Variants in MYO1B observed in about 807,000 individuals in gnomAD.
MYO1B encodes the protein unconventional myosin-Ib.
A neutral mutation model predicts 159.7 loss-of-function variants in MYO1B; 72 were observed. The observed-to-expected ratio is 0.45, with a 90% confidence interval of 0.37 to 0.55. The LOEUF is 0.55. Among genes scored for constraint, MYO1B ranks in the 20% least tolerant of loss-of-function variants. The probability of loss-of-function intolerance (pLI) is 0.00; values close to 1 mark genes in which losing one functional copy is unlikely to be tolerated. For synonymous variants in MYO1B, 468 were observed against 473.8 expected (o/e 0.99, Z 0.16); for missense variants, 1,062 against 1,364.8 (o/e 0.78, Z 3.50).
Position 191,287,391 on chromosome 2 carries a change from G to A in MYO1B, c.136-8720G>A, listed in dbSNP as rs566683920. ...AAAAATACAAAAAAATTAGCTTGGC[G>A]TGGTGGCGGGCACCTGTAATCCCAG... On this transcript the variant is annotated intron_variant, in intron 2 of 30. Transcript: ENST00000392318. Among the ~76,000 whole-genome samples the A allele has an allele frequency of 2.9e-3, 443 of 152,186 alleles. 1 individual carries two copies. Among genetic ancestry groups the A allele is most frequent in the African/African-American group, 0.01 (426 of 41,502 alleles).
intron 4 of MYO1B, among the ~76,000 whole-genome samples, chr2:191,336,442 T>C (rs1490618982): frequency 6.6e-6 from 1 of 152,232 alleles, no homozygotes; most frequent in Non-Finnish European, 1.5e-5. Context: ...GCTTTTGTTT[T>C]GTTTTTCCCC....
At chr2:191,327,954 A>G (rs1046207617) in intron 3 of MYO1B, among the ~76,000 whole-genome samples, 3 of 152,214 alleles carry the variant, frequency 2.0e-5, no homozygotes, top group East Asian at 1.9e-4. Flanking sequence ...AGGGGTGGCT[A>G]TCCTTGAGGA....
Position 191,392,334 on chromosome 2 carries a change from C to T in MYO1B, c.2076+133C>T. On this transcript the variant is annotated intron_variant, in intron 19 of 30. Transcript: ENST00000392318. ...CACAAAACACTTGTGTGTTTATCTA[C>T]AAATAATCAAGAGGCAGGGACAGAT... 3 of 571,764 alleles carry T rather than the reference C, an allele frequency of 5.2e-6. No individual in the cohort carries two copies. The East Asian group carries it at 8.6e-5, about 16-fold the overall frequency. The allele number at this position is 571,764 out of a possible 1,614,324, so 35.4% of individuals were successfully genotyped here. A position where few individuals can be genotyped will look rare whatever the true frequency, so the allele number is the denominator to read the frequency against.
At chr2:191,357,482 A>G (rs1272763118) in intron 7 of MYO1B, among the ~76,000 whole-genome samples, 1 of 152,176 alleles carries the variant, frequency 6.6e-6, no homozygotes, top group Non-Finnish European at 1.5e-5. Context: ...TTAAAATGGA[A>G]ATTTATGCTA....
At chr2:191,422,914 C>T (rs1698032910) in intron 30 of MYO1B, among the ~76,000 whole-genome samples, 1 of 152,122 alleles carries the variant, frequency 6.6e-6, no homozygotes, top group Non-Finnish European at 1.5e-5. Flanking sequence ...CTTAGCCTTT[C>T]TACCTTACTA....
At position 191,296,161 on chromosome 2, in the gene MYO1B, C is replaced by A; in HGVS notation, c.186C>A (p.Pro62=). The change falls in exon 3 of 31, where the codon CCC becomes CCA. Residue 62 remains proline, a synonymous_variant. Transcript: ENST00000392318. ...VISVNPYRSL[P]IYSPEKVEEY... ...CTGTTAACCCATACCGGTCTTTACC[C>A]ATTTATTCACCAGAGAAAGTGGAAG... The A allele has an allele frequency of 6.2e-7, 1 of 1,610,154 alleles. No homozygotes were observed.
chr2:191,414,297 G>A (rs985725501), intron 28 of MYO1B, 117 bp downstream of exon 28: 26 of 1,309,520 alleles, frequency 2.0e-5, no homozygotes, highest in African/African-American at 6.0e-5. Context: ...CTATGAAGGC[G>A]GCTATTTCCC....
chr2:191,403,459 G>A (rs1468644832), intron 24 of MYO1B, among the ~76,000 whole-genome samples: 1 of 152,090 alleles, frequency 6.6e-6, no homozygotes, highest in African/African-American at 2.4e-5. Context: ...TCAATAATTA[G>A]TCACCATAGG....
chr2:191,409,212 T>A, intron 26 of MYO1B, 34 bp downstream of exon 26: 1 of 1,587,606 alleles, frequency 6.3e-7, no homozygotes, highest in Non-Finnish European at 8.5e-7. Context: ...TTTCGGAGAC[T>A]TTCTTATTTA....
At chr2:191,257,418 A>G (rs1378698088) in intron 1 of MYO1B, among the ~76,000 whole-genome samples, 5 of 152,204 alleles carry the variant, frequency 3.3e-5, no homozygotes, top group Admixed American at 2.0e-4. Context: ...CCATTTTGGT[A>G]TATGTCAGAA....
chr2:191,386,215 G>A (rs1195925170), intron 16 of MYO1B, 131 bp downstream of exon 16: 6 of 751,938 alleles, frequency 8.0e-6, no homozygotes, highest in East Asian at 5.1e-5. Flanking sequence ...TGGTTGAATC[G>A]ATAAATGTTC....
chr2:191,340,871 A>G (rs7425900), intron 4 of MYO1B, among the ~76,000 whole-genome samples: 65,652 of 151,578 alleles, frequency 0.43, 14,906 homozygotes, highest in African/African-American at 0.58. Context: ...GACTACAGGC[A>G]CGTGCCACCA....
chr2:191,249,748 T>G (rs1381125906), intron 1 of MYO1B, among the ~76,000 whole-genome samples: 4 of 152,224 alleles, frequency 2.6e-5, no homozygotes, highest in African/African-American at 9.6e-5. Context: ...CCTTGTTTAT[T>G]TATTTCAAGC....
chr2:191,255,228 C>G (rs1480620089), intron 1 of MYO1B, among the ~76,000 whole-genome samples: 3 of 152,180 alleles, frequency 2.0e-5, no homozygotes, highest in African/African-American at 4.8e-5. Context: ...TACACCCATC[C>G]TGTACTGAAT....
At chr2:191,255,415 G>T (rs890785825) in intron 1 of MYO1B, among the ~76,000 whole-genome samples, 3 of 152,150 alleles carry the variant, frequency 2.0e-5, no homozygotes, top group South Asian at 2.1e-4. Context: ...TTAGATTGGG[G>T]TACAAGGAGA....
At chr2:191,333,511 A>T (rs1691626352) in intron 4 of MYO1B, among the ~76,000 whole-genome samples, 1 of 152,116 alleles carries the variant, frequency 6.6e-6, no homozygotes, top group African/African-American at 2.4e-5. Context: ...CTGGCTCTAG[A>T]ATATATCTCA....
chr2:191,360,977 T>C (rs1693634594), intron 8 of MYO1B, among the ~76,000 whole-genome samples: 1 of 152,174 alleles, frequency 6.6e-6, no homozygotes, highest in African/African-American at 2.4e-5. Context: ...CTCCATATGC[T>C]TTGCCCCTTC....
chr2:191,296,002 G>C (rs1031305953), intron 2 of MYO1B, 109 bp from the exon 3 acceptor site: 1 of 480,066 alleles, frequency 2.1e-6, no homozygotes, highest in African/African-American at 2.0e-5. Context: ...TGGTGAAGCA[G>C]AACTAGTGTT....
At chr2:191,279,850 G>A (rs906476148) in intron 2 of MYO1B, among the ~76,000 whole-genome samples, 1 of 152,130 alleles carries the variant, frequency 6.6e-6, no homozygotes, top group African/African-American at 2.4e-5. Flanking sequence ...CATCATGTGA[G>A]CATATTGAAC....
Sources: allele counts gnomAD v4.1 joint callset (sites outside exome capture counted in the v4.1 genomes callset), GRCh38; gene constraint gnomAD v4.1.1; transcripts MANE v1.5; gene names NCBI Gene and HGNC (gene_info 2026-07-23, HGNC 2026-07-21).